TTC7B: variants seen among roughly 807,000 people sequenced by gnomAD.
TTC7B encodes the protein tetratricopeptide repeat protein 7B.
In TTC7B, 28 loss-of-function variants were observed where a neutral mutation model predicts 106.8. That is an observed-to-expected ratio of 0.26 (90% CI 0.19 to 0.36). The LOEUF is 0.36. TTC7B is among the 10% of genes least tolerant of loss of function. The pLI, the probability that TTC7B is intolerant of heterozygous loss-of-function variation, is 1.00. For missense variants in TTC7B, 862 were observed against 1,076.4 expected (o/e 0.80, Z 2.79); for synonymous variants, 405 against 430.6 (o/e 0.94, Z 0.74).
intron 3 of TTC7B, among the ~76,000 whole-genome samples, chr14:90,767,184 G>A (rs751596736): frequency 4.6e-5 from 7 of 152,048 alleles, no homozygotes; most frequent in Admixed American, 1.3e-4. Flanking sequence ...GTGCCACAGC[G>A]TTCAATCCTG....
intron 9 of TTC7B, among the ~76,000 whole-genome samples, chr14:90,670,109 A>T (rs1254150976): frequency 6.6e-6 from 1 of 152,236 alleles, no homozygotes; most frequent in Non-Finnish European, 1.5e-5. Flanking sequence ...AGATGAAGGG[A>T]TAAACAAAAT....
In TTC7B at chr14:90,757,274, A is replaced by T. The variant is rs999649883; in HGVS notation, c.446-12352T>A. 8.5e-5 allele frequency among the ~76,000 whole-genome samples: 13 copies of T among 152,174 alleles called. No homozygotes were observed. Among genetic ancestry groups the T allele is most frequent in the African/African-American group, 2.6e-4 (11 of 41,514 alleles). ...GTTTCACTGCACCCGAAGTGATCTC[A>T]ATGTTTCCAAAAATGAAAAGCAGTC... On this transcript the variant is annotated intron_variant, in intron 3 of 19. Coordinates refer to ENST00000328459, the MANE Select transcript of TTC7B (RefSeq NM_001010854.2). The surrounding 1 kb of genome is among the most constrained non-coding windows in gnomAD (Gnocchi z 4.1).
intron 15 of TTC7B, among the ~76,000 whole-genome samples, chr14:90,621,243 G>A (rs1174707186): frequency 6.6e-6 from 1 of 151,666 alleles, no homozygotes; most frequent in African/African-American, 2.4e-5. Flanking sequence ...GGTAGGCCAC[G>A]TGGGTATAGC....
At chr14:90,573,604 C>CT (rs1566777501) in intron 19 of TTC7B, among the ~76,000 whole-genome samples, 6 of 149,668 alleles carry the variant, frequency 4.0e-5, no homozygotes, top group Non-Finnish European at 7.4e-5. Context: ...CGGTCCCTCT[C>CT]AGCTCACGGT....
At chr14:90,582,631 C>G (rs938905270) in intron 18 of TTC7B, among the ~76,000 whole-genome samples, 3 of 152,234 alleles carry the variant, frequency 2.0e-5, no homozygotes, top group African/African-American at 4.8e-5. Flanking sequence ...AGCCTAAGCT[C>G]TCTTGGAGAC....
At chr14:90,661,758 T>C (rs2139905709) in intron 9 of TTC7B, among the ~76,000 whole-genome samples, 1 of 152,326 alleles carries the variant, frequency 6.6e-6, no homozygotes, top group East Asian at 1.9e-4. Context: ...TTAAATGGTT[T>C]TTTTGTCCTC....
intron 6 of TTC7B, among the ~76,000 whole-genome samples, chr14:90,694,078 T>C (rs1887576875): frequency 6.6e-6 from 1 of 152,136 alleles, no homozygotes; most frequent in South Asian, 2.1e-4. Context: ...TTGAAAGCAT[T>C]ATGCTAAGTG....
In TTC7B at chr14:90,538,540, CAGACATTGGACTGTGT is replaced by C. The variant is rs1393529872; in HGVS notation, c.*2812_*2827del. The C allele has an allele frequency of 6.6e-6, 1 of 152,350 alleles. No individual in the cohort carries two copies. The highest frequency in any genetic ancestry group is 1.5e-5 in the Non-Finnish European group (1 of 68,182). 9.4% of individuals were successfully genotyped at this position (152,350 alleles called of 1,614,324 possible). ...AATCCTCCCTTCTAAGAGGACTGTG[CAGACATTGGACTGTGT>C]GGGGCTGGGGCCAAGGTACTGGGGA... On this transcript the variant is annotated 3_prime_UTR_variant, in exon 20 of 20. Coordinates refer to ENST00000328459, the MANE Select transcript of TTC7B (RefSeq NM_001010854.2).
At chr14:90,708,514 C>T (rs914444239) in intron 5 of TTC7B, among the ~76,000 whole-genome samples, 1 of 152,178 alleles carries the variant, frequency 6.6e-6, no homozygotes, top group Non-Finnish European at 1.5e-5. Context: ...ACAATAAAGC[C>T]TGGATGAAAG....
At chr14:90,629,193 T>G (rs1015772193) in intron 15 of TTC7B, among the ~76,000 whole-genome samples, 3 of 152,184 alleles carry the variant, frequency 2.0e-5, no homozygotes, top group Admixed American at 1.3e-4. Flanking sequence ...AGAATACTTA[T>G]AGGATAAATT....
chr14:90,783,765 C>T (rs766908189), intron 2 of TTC7B, among the ~76,000 whole-genome samples: 5 of 152,016 alleles, frequency 3.3e-5, no homozygotes, highest in African/African-American at 1.2e-4. Context: ...GGTAAAACCA[C>T]GTCTCTATTA....
At chr14:90,580,229 G>C (rs978949259) in intron 18 of TTC7B, among the ~76,000 whole-genome samples, 15 of 152,252 alleles carry the variant, frequency 9.9e-5, no homozygotes, top group African/African-American at 3.4e-4. Flanking sequence ...CTGAATCGCT[G>C]AATGGATGAA....
intron 1 of TTC7B, among the ~76,000 whole-genome samples, chr14:90,793,919 C>G (rs12880138): frequency 0.7 from 104,816 of 150,010 alleles, 40,473 homozygotes; most frequent in Non-Finnish European, 0.86. Flanking sequence ...TGTTTGTTTT[C>G]TTCGAAACAG....
At chr14:90,762,815 A>T (rs544417729) in intron 3 of TTC7B, among the ~76,000 whole-genome samples, 1 of 152,370 alleles carries the variant, frequency 6.6e-6, no homozygotes, top group Admixed American at 6.5e-5. Flanking sequence ...AAGGGCTCCA[A>T]TGAAAACATA....
chr14:90,664,662 C>T (rs1886340593), intron 9 of TTC7B, among the ~76,000 whole-genome samples: 1 of 152,074 alleles, frequency 6.6e-6, no homozygotes, highest in Admixed American at 6.5e-5. Flanking sequence ...GCATGGGGGG[C>T]ATATAAGAGA....
intron 4 of TTC7B, among the ~76,000 whole-genome samples, chr14:90,738,337 C>T (rs8009013): frequency 0.092 from 14,064 of 152,136 alleles, 1,585 homozygotes; most frequent in African/African-American, 0.27. Context: ...AGGCCGGGCA[C>T]GGTGGCTCAT....
chr14:90,580,344 T>C (rs8013108), intron 18 of TTC7B, among the ~76,000 whole-genome samples: 7,562 of 152,292 alleles, frequency 0.05, 594 homozygotes, highest in African/African-American at 0.17. Flanking sequence ...GTAGGTACTA[T>C]TATTTTATCC....
intron 18 of TTC7B, among the ~76,000 whole-genome samples, chr14:90,581,576 C>A (rs760240574): frequency 2.7e-4 from 41 of 152,190 alleles, no homozygotes; most frequent in Non-Finnish European, 4.9e-4. Context: ...TCCTGCCTCA[C>A]TGCCAAGCTG....
chr14:90,615,704 CG>C (rs1893042755), intron 16 of TTC7B, among the ~76,000 whole-genome samples: 1 of 152,058 alleles, frequency 6.6e-6, no homozygotes. Flanking sequence ...AGCAGGCTGG[CG>C]GGGATGACTA....
Sources: allele counts gnomAD v4.1 joint callset (sites outside exome capture counted in the v4.1 genomes callset), GRCh38; gene constraint gnomAD v4.1.1; non-coding constraint Gnocchi (gnomAD v3.1); transcripts MANE v1.5; gene names NCBI Gene and HGNC (gene_info 2026-07-23, HGNC 2026-07-21).